Variants in TBC1D10A observed in about 807,000 individuals in gnomAD.
TBC1D10A encodes the protein EBP50-PDX interactor of 64 kDa.
A neutral mutation model predicts 52.9 loss-of-function variants in TBC1D10A; 24 were observed. The observed-to-expected ratio is 0.45, with a 90% CI of 0.33 to 0.64. The LOEUF is 0.64. Among genes scored for constraint, TBC1D10A ranks in the 30% least tolerant of loss-of-function variants. The probability of loss-of-function intolerance (pLI) is 0.02; values close to 1 mark genes in which losing one functional copy is unlikely to be tolerated. For missense variants in TBC1D10A, 602 were observed against 687.9 expected (o/e 0.88, Z 1.40); for synonymous variants, 278 against 282.9 (o/e 0.98, Z 0.17).
chr22:30,325,985 C>T (rs1473628051), intron 1 of TBC1D10A, among the ~76,000 whole-genome samples: 1 of 152,088 alleles, frequency 6.6e-6, no homozygotes, highest in East Asian at 1.9e-4. Flanking sequence ...TTGCCAGTGC[C>T]AGTGGAGGAA....
In TBC1D10A at chr22:30,304,609, C is replaced by T. The variant is rs745671638; in HGVS notation, c.231G>A (p.Glu77=). 2 of 1,613,986 alleles carry T rather than the reference C, an allele frequency of 1.2e-6. No individual in the cohort carries two copies. Among genetic ancestry groups the T allele is most frequent in the East Asian group, 2.2e-5 (1 of 44,892 alleles). The change falls in exon 2 of 9, where the codon GAG becomes GAA. Residue 77 remains glutamate (E), a synonymous_variant. Transcript: ENST00000215790. ...ACTTGGACTCCCTCTGCCTCAGCAC[C>T]TCCAGGGGTACTTCCTCCAGCCTGT... ...AEGALEEVPL[E]VLRQRESKWL... is the part of the protein sequence containing the mutation.
At chr22:30,308,566 C>G (rs1179335636) in intron 1 of TBC1D10A, among the ~76,000 whole-genome samples, 1 of 152,178 alleles carries the variant, frequency 6.6e-6, no homozygotes, top group Non-Finnish European at 1.5e-5. Flanking sequence ...GTTTTAAATG[C>G]TGGTCACAAG....
chr22:30,326,856 C>A lies in TBC1D10A; in HGVS notation c.26G>T (p.Gly9Val). The part of the protein sequence containing the change: MAKSNGEN[G>V]PRAPAAGESL... Reference sequence around the variant, plus strand: ...TTCCCCGGCCGCGGGCGCGCGCGGCCCATTCTCTCCGTTGCTCTTCGCCAT... The same window carrying A: ...TTCCCCGGCCGCGGGCGCGCGCGGCACATTCTCTCCGTTGCTCTTCGCCAT... Residue 9 changes from glycine to valine, a missense_variant, in exon 1 of 9, where the codon GGG (glycine) becomes GTG (valine). By Grantham distance (109) the Gly-to-Val change is moderately radical. Around this residue, in one of 3 missense-constraint regions of TBC1D10A, gnomAD observed 201 missense variants for 204.4 expected, o/e 0.98. Coordinates refer to ENST00000215790, the MANE Select transcript of TBC1D10A (RefSeq NM_031937.3). 1 of 1,503,760 alleles carries A rather than the reference C, an allele frequency of 6.6e-7. No individual in the cohort carries two copies. Among genetic ancestry groups the A allele is most frequent in the Non-Finnish European group, 8.8e-7 (1 of 1,134,708 alleles). The allele number at this position is 1,503,760 out of a possible 1,614,324, so 93.2% of individuals were successfully genotyped here.
chr22:30,320,947 C>A (rs972677886), intron 1 of TBC1D10A, among the ~76,000 whole-genome samples: 2 of 152,204 alleles, frequency 1.3e-5, no homozygotes, highest in Non-Finnish European at 2.9e-5. Context: ...CCTTCTCTTG[C>A]CCACCTCGAT....
chr22:30,308,462 C>T (rs1392984450), intron 1 of TBC1D10A, among the ~76,000 whole-genome samples: 1 of 152,250 alleles, frequency 6.6e-6, no homozygotes, highest in East Asian at 1.9e-4. Flanking sequence ...CATACACACA[C>T]ACAACCAGAA....
rs1464829862 is a variant in TBC1D10A at position 30,308,316 on chromosome 22, A to ATGCCTGCCTGCCTGCCTGCC, written c.210-3687_210-3686insGGCAGGCAGGCAGGCAGGCA. ...CATGCCTGCATGCCTGCCTGCCTGC[A>ATGCCTGCCTGCCTGCCTGCC]TGCCTGCATGCCTGCATGCCTGCCT... On this transcript the variant is annotated intron_variant, in intron 1 of 8. Transcript: ENST00000215790. 1.1e-4 allele frequency among the ~76,000 whole-genome samples: 14 copies of ATGCCTGCCTGCCTGCCTGCC among 130,392 alleles called. No homozygotes were observed. In the East Asian group the frequency reaches 2.8e-3, roughly 27 times the overall value. 85.5% of individuals were successfully genotyped at this position (130,392 alleles called of 152,430 possible).
At chr22:30,302,835 G>A (rs1225755756) in intron 2 of TBC1D10A, among the ~76,000 whole-genome samples, 2 of 152,192 alleles carry the variant, frequency 1.3e-5, no homozygotes, top group African/African-American at 4.8e-5. Context: ...TCAAGAACAC[G>A]GAAGGTCCCT....
At chr22:30,304,857 T>C (rs539553077) in intron 1 of TBC1D10A, among the ~76,000 whole-genome samples, 75 of 152,314 alleles carry the variant, frequency 4.9e-4, no homozygotes, top group Middle Eastern at 3.4e-3. Flanking sequence ...GTGGTTCAAG[T>C]GCCTACTTCC....
intron 1 of TBC1D10A, among the ~76,000 whole-genome samples, chr22:30,314,942 C>T (rs1157129938): frequency 1.3e-5 from 2 of 152,204 alleles, no homozygotes; most frequent in Admixed American, 6.5e-5. Flanking sequence ...AGGACAGAGG[C>T]CCCGGGCAGC....
Position 30,293,682 on chromosome 22 carries a change from T to G in TBC1D10A, c.1019A>C (p.Lys340Thr), listed in dbSNP as rs1386117186. Reference sequence around the variant, plus strand: ...GACCAGAAAGGCCTCCTGCATGATCTTGGGGCTGAGGCTCCGCAGTCGCTC... The same window carrying G: ...GACCAGAAAGGCCTCCTGCATGATCGTGGGGCTGAGGCTCCGCAGTCGCTC... ...TIERLRSLSP[K>T]IMQEAFLVQE... Residue 340 changes from lysine to threonine, a missense_variant, in exon 8 of 9, where the codon AAG (lysine) becomes ACG (threonine). Physicochemically the swap from Lys to Thr is moderately conservative, Grantham distance 78. Transcript: ENST00000215790. 10 of 1,612,222 alleles carry G rather than the reference T, an allele frequency of 6.2e-6. No individual in the cohort carries two copies. The highest frequency in any genetic ancestry group is 8.5e-6 in the Non-Finnish European group (10 of 1,178,666).
At chr22:30,319,475 C>G (rs1930607133) in intron 1 of TBC1D10A, among the ~76,000 whole-genome samples, 3 of 152,182 alleles carry the variant, frequency 2.0e-5, no homozygotes, top group Admixed American at 6.5e-5. Flanking sequence ...CAAAAGTAAG[C>G]CTTGGTTTGC....
intron 1 of TBC1D10A, among the ~76,000 whole-genome samples, chr22:30,312,519 A>G (rs951615813): frequency 1.3e-5 from 2 of 152,220 alleles, no homozygotes; most frequent in African/African-American, 4.8e-5. Flanking sequence ...TCACAGGGCA[A>G]GACCTTTTCT....
chr22:30,294,032 G>C lies in TBC1D10A; in HGVS notation c.784C>G (p.Arg262Gly). 1 of 1,614,090 alleles carries C rather than the reference G, an allele frequency of 6.2e-7. No homozygotes were observed. Among genetic ancestry groups the C allele is most frequent in the Non-Finnish European group, 8.5e-7 (1 of 1,180,024 alleles). ...VSPVAHKHLS[R>G]QKIDPLLYMT... Reference sequence around the variant, plus strand: ...TAGAGGAGCGGGTCGATCTTCTGACGGCTGAGGTGCTTGTGGGCCACCGGC... The same window carrying C: ...TAGAGGAGCGGGTCGATCTTCTGACCGCTGAGGTGCTTGTGGGCCACCGGC... The change falls in exon 7 of 9, where the codon CGT (arginine) becomes GGT (glycine). Residue 262 changes from arginine to glycine, a missense_variant. By Grantham distance (125) the Arg-to-Gly change is moderately radical (BLOSUM62 -2). Transcript: ENST00000215790.
At chr22:30,293,466 GC>G in intron 8 of TBC1D10A, 184 bp downstream of exon 8, 1 of 931,730 alleles carries the variant, frequency 1.1e-6, no homozygotes. Context: ...GCAGAGCCAA[GC>G]CTCTCTGTGC....
In TBC1D10A at chr22:30,292,846, C is replaced by T. The variant is rs1286889851; in HGVS notation, c.1056G>A (p.Val352=). 1 of 1,610,818 alleles carries T rather than the reference C, an allele frequency of 6.2e-7. No individual in the cohort carries two copies. Among genetic ancestry groups the T allele is most frequent in the Non-Finnish European group, 8.5e-7 (1 of 1,179,894 alleles). ...TCTGGCGCTCTGTCACGGGCAACTC[C>T]ACCACCTGCAGGGGCAGTGACACAG... is the stretch of plus-strand genomic sequence containing the variant. ...MQEAFLVQEV[V]ELPVTERQIE... Residue 352 remains valine, a synonymous_variant, in exon 9 of 9, where the codon GTG becomes GTA. Coordinates refer to ENST00000215790, the MANE Select transcript of TBC1D10A (RefSeq NM_031937.3).
chr22:30,295,699 A>G (rs1260795295), intron 4 of TBC1D10A, 38 bp downstream of exon 4: 2 of 1,606,856 alleles, frequency 1.2e-6, no homozygotes, highest in Non-Finnish European at 1.7e-6. Context: ...GACAGGCCCT[A>G]GAGCCACCTC....
chr22:30,307,478 T>C (rs1050782243), intron 1 of TBC1D10A, among the ~76,000 whole-genome samples: 1 of 152,120 alleles, frequency 6.6e-6, no homozygotes, highest in Non-Finnish European at 1.5e-5. Context: ...TATGCCAAAA[T>C]TGTCCTAGTA....
intron 1 of TBC1D10A, chr22:30,318,954 G>A: frequency 3.0e-6 from 1 of 330,882 alleles, no homozygotes; most frequent in Middle Eastern, 1.0e-3. Flanking sequence ...GCCTCAGCCT[G>A]ACATTCAAGG....
chr22:30,322,786 G>C (rs573710858), intron 1 of TBC1D10A, among the ~76,000 whole-genome samples: 1 of 151,436 alleles, frequency 6.6e-6, no homozygotes, highest in Non-Finnish European at 1.5e-5. Context: ...TGTAGAGATG[G>C]GGTTTCACCA....
Sources: gnomAD v4.1 joint callset for allele counts (sites outside exome capture counted in the v4.1 genomes callset) on GRCh38, gnomAD v4.1.1 for gene constraint, gnomAD v4.1.1 regional missense constraint, MANE v1.5 for transcripts, NCBI Gene and HGNC (gene_info 2026-07-23, HGNC 2026-07-21) for gene names.